ALPK2: variants seen among roughly 807,000 people sequenced by gnomAD.
ALPK2 encodes alpha-protein kinase 2.
A neutral mutation model predicts 163.1 loss-of-function variants in ALPK2; 127 were observed. That is an observed-to-expected ratio of 0.78 (90% confidence interval 0.67 to 0.90). The LOEUF is 0.90. ALPK2 is among the 40% of genes least tolerant of loss of function. ALPK2 has a pLI of 0.00. For synonymous variants in ALPK2, 953 were observed against 959.1 expected (o/e 0.99, Z 0.12); for missense variants, 2,360 against 2,589.6 (o/e 0.91, Z 1.92).
chr18:58,623,203 C>G (rs2052211518), intron 1 of ALPK2, among the ~76,000 whole-genome samples: 1 of 152,102 alleles, frequency 6.6e-6, no homozygotes. Flanking sequence ...TAGGGGAACA[C>G]TTTTCATATA....
intron 12 of ALPK2, among the ~76,000 whole-genome samples, chr18:58,485,936 GACA>G (rs747694640): frequency 1.0e-3 from 148 of 148,024 alleles, no homozygotes; most frequent in Non-Finnish European, 1.8e-3. Context: ...TTCAAATTCA[GACA>G]ACATCTGGTC....
intron 8 of ALPK2, among the ~76,000 whole-genome samples, chr18:58,519,415 A>G (rs1384884636): frequency 6.6e-6 from 1 of 152,192 alleles, no homozygotes; most frequent in East Asian, 1.9e-4. Flanking sequence ...TATCTGCCAT[A>G]TCCTGTCTTC....
intron 1 of ALPK2, among the ~76,000 whole-genome samples, chr18:58,620,506 G>A (rs4940415): frequency 3.3e-5 from 5 of 152,174 alleles, no homozygotes; most frequent in Admixed American, 3.3e-4. Flanking sequence ...GGTTGGAGGT[G>A]AGGGCAGTGG....
intron 4 of ALPK2, among the ~76,000 whole-genome samples, chr18:58,570,967 A>G (rs1421292180): frequency 2.6e-5 from 4 of 152,194 alleles, no homozygotes; most frequent in Non-Finnish European, 5.9e-5. Context: ...AATCCCTGGC[A>G]AGAAAGTGAC....
chr18:58,528,652 T>C, intron 6 of ALPK2: 2 of 143,300 alleles, frequency 1.4e-5, no homozygotes, highest in Non-Finnish European at 3.1e-5. Context: ...AGATTGCTGT[T>C]GTTGTTGTTT....
intron 4 of ALPK2, among the ~76,000 whole-genome samples, chr18:58,547,501 A>G (rs914830934): frequency 6.6e-6 from 1 of 152,122 alleles, no homozygotes; most frequent in African/African-American, 2.4e-5. Context: ...GGTAGACTGC[A>G]CTGTGTTGGC....
At chr18:58,553,762 G>T (rs1164154232) in intron 4 of ALPK2, among the ~76,000 whole-genome samples, 1 of 151,280 alleles carries the variant, frequency 6.6e-6, no homozygotes, top group East Asian at 1.9e-4. Flanking sequence ...GCTTTCTGAG[G>T]CTTCCCCAGC....
intron 12 of ALPK2, among the ~76,000 whole-genome samples, chr18:58,496,304 G>A (rs552539255): frequency 5.9e-5 from 9 of 152,174 alleles, no homozygotes; most frequent in Non-Finnish European, 7.4e-5. Context: ...CTCCTAATGC[G>A]CTGTCTTCAC....
chr18:58,524,431 TATACAG>T (rs769517641), intron 6 of ALPK2, among the ~76,000 whole-genome samples: 23 of 152,148 alleles, frequency 1.5e-4, no homozygotes, highest in Admixed American at 1.4e-3. Context: ...AACCCAAACT[TATACAG>T]ATACAATAAG....
At chr18:58,601,090 T>C (rs1376824492) in intron 3 of ALPK2, among the ~76,000 whole-genome samples, 1 of 152,116 alleles carries the variant, frequency 6.6e-6, no homozygotes, top group East Asian at 1.9e-4. Context: ...ACCCCATCTC[T>C]ACTAAAAATA....
chr18:58,513,418 A>G (rs1337457863), intron 10 of ALPK2, among the ~76,000 whole-genome samples: 2 of 152,150 alleles, frequency 1.3e-5, no homozygotes, highest in African/African-American at 4.8e-5. Context: ...AAGGAATGGG[A>G]AAGTGGTTTA....
In ALPK2 at chr18:58,534,964, T is replaced by C; in HGVS notation, c.5223A>G (p.Lys1741=). The change falls in exon 5 of 13, where the codon AAA becomes AAG. Residue 1741 remains lysine (K), a synonymous_variant. Transcript: ENST00000361673. ...TTCTGATATTTTCCTTTTCTTCCAG[T>C]TTCAGCCTCAGTGCTGCCACCCTGG... is the stretch of plus-strand genomic sequence containing the variant. ...ILSRVAALRL[K]LEEKENIRKN... 1 of 1,614,174 alleles carries C rather than the reference T, an allele frequency of 6.2e-7. No homozygotes were observed. The highest frequency in any genetic ancestry group is 8.5e-7 in the Non-Finnish European group (1 of 1,180,014).
At chr18:58,494,254 C>A (rs185100152) in intron 12 of ALPK2, among the ~76,000 whole-genome samples, 85 of 152,198 alleles carry the variant, frequency 5.6e-4, no homozygotes, top group African/African-American at 2.0e-3. Flanking sequence ...TACTTTGTAA[C>A]CTGAAATTTT....
intron 11 of ALPK2, among the ~76,000 whole-genome samples, chr18:58,501,671 C>G (rs916724393): frequency 2.0e-5 from 3 of 152,154 alleles, no homozygotes; most frequent in African/African-American, 7.2e-5. Flanking sequence ...GAGTCTTGGA[C>G]CCCTCTACTT....
At chr18:58,498,222 C>T (rs750843098) in intron 11 of ALPK2, 125 bp from the exon 12 acceptor site, 12 of 850,252 alleles carry the variant, frequency 1.4e-5, no homozygotes, top group South Asian at 9.0e-5. Flanking sequence ...CATAAACACT[C>T]GAGGCCTCTT....
At chr18:58,561,569 T>A (rs962233739) in intron 4 of ALPK2, among the ~76,000 whole-genome samples, 1 of 152,096 alleles carries the variant, frequency 6.6e-6, no homozygotes, top group Non-Finnish European at 1.5e-5. Context: ...GAATATAAGA[T>A]GGAAGCAAAA....
intron 4 of ALPK2, among the ~76,000 whole-genome samples, chr18:58,558,315 A>C (rs577023871): frequency 6.6e-6 from 1 of 152,350 alleles, no homozygotes; most frequent in Non-Finnish European, 1.5e-5. Context: ...AAAATGTAAA[A>C]TATCTCATTA....
chr18:58,574,077 T>C (rs2051905927), intron 4 of ALPK2, among the ~76,000 whole-genome samples: 1 of 152,132 alleles, frequency 6.6e-6, no homozygotes, highest in South Asian at 2.1e-4. Context: ...TAGCAATTTT[T>C]TGGAGATAAT....
intron 12 of ALPK2, among the ~76,000 whole-genome samples, chr18:58,488,384 A>G (rs1168111221): frequency 6.7e-6 from 1 of 149,154 alleles, no homozygotes; most frequent in Non-Finnish European, 1.5e-5. Flanking sequence ...TGAATGGCAT[A>G]GCCTTTCAGA....
Sources: allele counts gnomAD v4.1 joint callset (sites outside exome capture counted in the v4.1 genomes callset), GRCh38; gene constraint gnomAD v4.1.1; transcripts MANE v1.5; gene names NCBI Gene and HGNC (gene_info 2026-07-23, HGNC 2026-07-21).